PPP1R9A: variants seen among roughly 807,000 people sequenced by gnomAD.
The protein encoded by PPP1R9A is neurabin-1.
Under a neutral mutation model 141.9 loss-of-function variants are expected in PPP1R9A, and 59 were observed. The observed-to-expected ratio is 0.42, with a 90% confidence interval of 0.34 to 0.52. PPP1R9A has a LOEUF of 0.52. Ranked by LOEUF, PPP1R9A falls within the 20% of genes least tolerant of loss-of-function variation. PPP1R9A has a pLI of 0.10. For synonymous variants in PPP1R9A, 500 were observed against 569.7 expected (o/e 0.88, Z 1.74); for missense variants, 1,444 against 1,611.9 (o/e 0.90, Z 1.78).
chr7:95,166,373 A>G (rs998857200), intron 5 of PPP1R9A, among the ~76,000 whole-genome samples: 2 of 152,272 alleles, frequency 1.3e-5, no homozygotes, highest in East Asian at 3.9e-4. Flanking sequence ...AAGAACTGTT[A>G]AAAATAAAGC....
At chr7:95,050,897 C>T (rs891877006) in intron 2 of PPP1R9A, among the ~76,000 whole-genome samples, 12 of 152,174 alleles carry the variant, frequency 7.9e-5, no homozygotes, top group Admixed American at 3.3e-4. Flanking sequence ...CTTCTTCCTG[C>T]TGGATGTCTC....
At chr7:95,161,750 G>C in intron 4 of PPP1R9A, 117 bp from the exon 5 acceptor site, 1 of 650,042 alleles carries the variant, frequency 1.5e-6, no homozygotes. Flanking sequence ...ATAGATTTTG[G>C]ATCAAAAAGA....
intron 8 of PPP1R9A, among the ~76,000 whole-genome samples, chr7:95,235,565 T>G (rs1796568302): frequency 6.6e-6 from 1 of 152,180 alleles, no homozygotes; most frequent in Non-Finnish European, 1.5e-5. Context: ...ACTTTTACAC[T>G]GTTGGTGGGA....
chr7:95,206,360 A>C (rs911316588), intron 7 of PPP1R9A, among the ~76,000 whole-genome samples: 3 of 152,076 alleles, frequency 2.0e-5, no homozygotes, highest in Non-Finnish European at 4.4e-5. Flanking sequence ...TTTTTAATGG[A>C]TTTATTGAGA....
intron 7 of PPP1R9A, among the ~76,000 whole-genome samples, chr7:95,215,688 A>G (rs897325084): frequency 6.6e-5 from 10 of 152,224 alleles, no homozygotes; most frequent in African/African-American, 2.4e-4. Flanking sequence ...ATGGTATCTC[A>G]TTGTGGTTTT....
rs766313339 is a variant in PPP1R9A at position 94,910,906 on chromosome 7, G to T, written c.793G>T (p.Gly265Cys). ...SNSWPPSNKR[G>C]VDTEDAHKSN... ...TTCCTGGCCTCCTTCAAACAAGCGA[G>T]GTGTTGATACAGAGGATGCTCACAA... is the stretch of plus-strand genomic sequence containing the variant. Residue 265 changes from glycine (G) to cysteine (C), a missense_variant, in exon 2 of 20, where the codon GGT (glycine) becomes TGT (cysteine). By Grantham distance (159) the Gly-to-Cys change is radical. This residue lies in a region of PPP1R9A where 490 missense variants were observed against 521.1 expected (regional missense o/e 0.94). Transcript: ENST00000433360. This position sits in a 1 kb window ranked among gnomAD's most constrained non-coding sequence, Gnocchi z 4.5. The T allele has an allele frequency of 1.9e-6, 3 of 1,614,040 alleles. No individual in the cohort carries two copies. Among genetic ancestry groups the T allele is most frequent in the Admixed American group, 1.7e-5 (1 of 60,012 alleles).
intron 7 of PPP1R9A, among the ~76,000 whole-genome samples, chr7:95,205,100 A>T (rs1443038921): frequency 6.6e-6 from 1 of 152,172 alleles, no homozygotes; most frequent in Non-Finnish European, 1.5e-5. Flanking sequence ...TATTCTTCAT[A>T]TATGGAGATG....
chr7:95,146,115 G>A (rs756315552), intron 4 of PPP1R9A, among the ~76,000 whole-genome samples: 8 of 152,066 alleles, frequency 5.3e-5, no homozygotes, highest in South Asian at 2.1e-4. Flanking sequence ...CATTCCCACC[G>A]GCAGTGTAAA....
intron 2 of PPP1R9A, among the ~76,000 whole-genome samples, chr7:94,912,884 C>T (rs1791625253): frequency 6.6e-6 from 1 of 152,058 alleles, no homozygotes; most frequent in Non-Finnish European, 1.5e-5. Context: ...ATTATCTCCT[C>T]CTGCCTTCCT....
intron 2 of PPP1R9A, among the ~76,000 whole-genome samples, chr7:94,945,734 A>G (rs979909215): frequency 6.6e-6 from 1 of 152,102 alleles, no homozygotes; most frequent in Non-Finnish European, 1.5e-5. Context: ...AACCTTTTAA[A>G]GATTTTCTTA....
intron 4 of PPP1R9A, among the ~76,000 whole-genome samples, chr7:95,135,553 C>T (rs1004854699): frequency 2.6e-5 from 4 of 151,996 alleles, no homozygotes; most frequent in African/African-American, 4.8e-5. Flanking sequence ...CCTTAGTTTT[C>T]GTTCACTTCT....
At chr7:94,916,014 A>G (rs538237090) in intron 2 of PPP1R9A, among the ~76,000 whole-genome samples, 33 of 151,998 alleles carry the variant, frequency 2.2e-4, no homozygotes, top group African/African-American at 7.7e-4. Context: ...CTATAAGTAA[A>G]TCTCATTCAT....
In PPP1R9A at chr7:95,118,827, C is replaced by A. The variant is rs982397935; in HGVS notation, c.1529-1885C>A. On this transcript the variant is annotated intron_variant, in intron 3 of 19. Coordinates refer to ENST00000433360, the MANE Select transcript of PPP1R9A (RefSeq NM_001166160.2). ...CTGTACAAAAAAAAAAAAAAAAACA[C>A]AAAAAATTACCCAGATGTGGTGGCA... Among the ~76,000 whole-genome samples, 101 of 143,912 alleles carry A rather than the reference C, an allele frequency of 7.0e-4. 1 individual carries two copies. The highest frequency in any genetic ancestry group is 1.1e-3 in the Non-Finnish European group (70 of 65,386). 94.4% of individuals were successfully genotyped at this position (143,912 alleles called of 152,430 possible). A position where few individuals can be genotyped will look rare whatever the true frequency, so the allele number is the denominator to read the frequency against.
rs1798907859 is a variant in PPP1R9A, at chr7:95,251,806, T to C, written c.2441T>C (p.Ile814Thr). Residue 814 changes from isoleucine (I) to threonine (T), a missense_variant, in exon 11 of 20, where the codon ATA becomes ACA. Coordinates refer to ENST00000433360, the MANE Select transcript of PPP1R9A (RefSeq NM_001166160.2). ...IKRQEAERKK[I>T]EDLEKAHLVE... is the part of the protein sequence containing the mutation. ...AGACAGGAAGCAGAAAGAAAGAAAATAGAAGATTTGGAAAAAGCTCATCTT... is the reference window on the plus strand; with the variant it reads ...AGACAGGAAGCAGAAAGAAAGAAAACAGAAGATTTGGAAAAAGCTCATCTT... 6.2e-7 allele frequency: 1 copy of C among 1,613,654 alleles called. No homozygotes were observed. The highest frequency in any genetic ancestry group is 1.3e-5 in the African/African-American group (1 of 74,882).
chr7:95,052,268 A>G (rs188957806), intron 2 of PPP1R9A, among the ~76,000 whole-genome samples: 6 of 152,340 alleles, frequency 3.9e-5, no homozygotes, highest in Admixed American at 3.9e-4. Context: ...AAACTTGTTA[A>G]TTGGTAAAAA....
rs186339415 is a variant in PPP1R9A, at chr7:95,170,287, T to C, written c.1754+8316T>C. On this transcript the variant is annotated intron_variant, in intron 5 of 19. Transcript: ENST00000433360. ...CTTTTGGAATCTCAGAAGGTTAGAA[T>C]GAGAGAGGTGCTAGAAAAGATAACT... is the stretch of plus-strand genomic sequence containing the variant. Among the ~76,000 whole-genome samples the C allele has an allele frequency of 7.8e-3, 1,179 of 151,686 alleles. 14 individuals are homozygous for C. The highest frequency in any genetic ancestry group is 0.027 in the African/African-American group (1,119 of 41,510).
chr7:95,197,737 C>T (rs1454811187), intron 5 of PPP1R9A, among the ~76,000 whole-genome samples: 3 of 152,152 alleles, frequency 2.0e-5, no homozygotes, highest in Non-Finnish European at 4.4e-5. Flanking sequence ...CAACCTCCGC[C>T]TCTCGGATTC....
chr7:95,247,598 G>C, intron 9 of PPP1R9A, 72 bp downstream of exon 9: 1 of 1,265,898 alleles, frequency 7.9e-7, no homozygotes. Context: ...CCAATCCTAG[G>C]ACTAAAGGTT....
intron 2 of PPP1R9A, among the ~76,000 whole-genome samples, chr7:95,034,865 A>G (rs1808225454): frequency 6.6e-6 from 1 of 152,138 alleles, no homozygotes; most frequent in Non-Finnish European, 1.5e-5. Context: ...CTTTTTAACA[A>G]CCTTAAGAGT....
Sources: allele counts gnomAD v4.1 joint callset (sites outside exome capture counted in the v4.1 genomes callset), GRCh38; gene constraint gnomAD v4.1.1; regional missense constraint gnomAD v4.1.1; non-coding constraint Gnocchi (gnomAD v3.1); transcripts MANE v1.5; gene names NCBI Gene and HGNC (gene_info 2026-07-23, HGNC 2026-07-21).